SLC45A2: variants seen among roughly 807,000 people sequenced by gnomAD.
The protein encoded by SLC45A2 is membrane-associated transporter protein.
SLC45A2 carries 36 observed loss-of-function variants against 45.5 expected under a neutral mutation model. The observed-to-expected ratio is 0.79, with a 90% CI of 0.61 to 1.04. The LOEUF (loss-of-function observed/expected upper bound fraction) is 1.04, where lower values mean the gene tolerates loss of function less well. SLC45A2 is among the 50% of genes least tolerant of loss of function. The pLI is 0.00. For synonymous variants in SLC45A2, 306 were observed against 269.3 expected (o/e 1.14, Z -1.33); for missense variants, 719 against 671.0 (o/e 1.07, Z -0.79).
chr5:33,977,312 A>G (rs1415511253), intron 2 of SLC45A2, among the ~76,000 whole-genome samples: 1 of 152,170 alleles, frequency 6.6e-6, no homozygotes, highest in East Asian at 1.9e-4. Context: ...ACAGACCATA[A>G]AGGCCCCAGG....
At chr5:33,971,672 G>T (rs2111985686) in intron 2 of SLC45A2, among the ~76,000 whole-genome samples, 1 of 152,172 alleles carries the variant, frequency 6.6e-6, no homozygotes, top group East Asian at 1.9e-4. Flanking sequence ...TGTTGCCCAG[G>T]ATGGAGTGCA....
chr5:33,960,276 GAC>G (rs926785181), intron 3 of SLC45A2, among the ~76,000 whole-genome samples: 1 of 16,396 alleles, frequency 6.1e-5, no homozygotes, highest in African/African-American at 1.3e-4. Flanking sequence ...ACATTCATCT[GAC>G]ATATATATAT....
At chr5:33,964,096 T>C in intron 2 of SLC45A2, 80 bp from the exon 3 acceptor site, 6 of 1,450,722 alleles carry the variant, frequency 4.1e-6, no homozygotes, top group Non-Finnish European at 4.8e-6. Flanking sequence ...TCCCCTTCAG[T>C]GGGAAAACTC....
At chr5:33,977,139 A>C (rs1752952638) in intron 2 of SLC45A2, among the ~76,000 whole-genome samples, 1 of 152,258 alleles carries the variant, frequency 6.6e-6, no homozygotes, top group Admixed American at 6.5e-5. Context: ...AAGAAAGGCC[A>C]CATGAGGACA....
At chr5:33,944,989 A>T in intron 6 of SLC45A2, 117 bp from the exon 7 acceptor site, 2 of 944,520 alleles carry the variant, frequency 2.1e-6, no homozygotes, top group Non-Finnish European at 1.7e-6. Context: ...TTCGTGGATT[A>T]TACAGCCCTG....
intron 2 of SLC45A2, among the ~76,000 whole-genome samples, chr5:33,976,403 T>C (rs1431948830): frequency 6.6e-6 from 1 of 152,230 alleles, no homozygotes; most frequent in African/African-American, 2.4e-5. Flanking sequence ...ATTAGAAATG[T>C]ATTCAAATAA....
chr5:33,982,371 T>G lies in SLC45A2; in HGVS notation c.427A>C (p.Ser143Arg). ...NPRRKLVWAI[S>R]VTMIGVVLFD... Reference sequence around the variant, plus strand: ...AGAACGACACCTATCATGGTGACACTTATGGCCCAAACCAGCTTCCTCCTT... The same window carrying G: ...AGAACGACACCTATCATGGTGACACGTATGGCCCAAACCAGCTTCCTCCTT... Residue 143 changes from serine (S) to arginine (R), a missense_variant, in exon 2 of 7, where the codon AGT becomes CGT. Coordinates refer to ENST00000296589, the MANE Select transcript of SLC45A2 (RefSeq NM_016180.5). 6.2e-7 allele frequency: 1 copy of G among 1,614,164 alleles called. No individual in the cohort carries two copies. The highest frequency in any genetic ancestry group is 8.5e-7 in the Non-Finnish European group (1 of 1,180,018).
chr5:33,945,857 G>GA (rs1751906383), intron 6 of SLC45A2: 1 of 710,714 alleles, frequency 1.4e-6, no homozygotes, highest in South Asian at 6.4e-5. Flanking sequence ...AGGAAAATAA[G>GA]AAAACAGATT....
Position 33,967,852 on chromosome 5 carries a change from A to C in SLC45A2, c.563-3836T>G, listed in dbSNP as rs139621453. Among the ~76,000 whole-genome samples the C allele has an allele frequency of 3.0e-4, 46 of 151,362 alleles. No individual in the cohort carries two copies. In the East Asian group the frequency reaches 8.0e-3, roughly 26 times the overall value. On this transcript the variant is annotated intron_variant, in intron 2 of 6. Coordinates refer to ENST00000296589, the MANE Select transcript of SLC45A2 (RefSeq NM_016180.5). ...CACATTTCCTGCAAGAACCTGGGGGAAACTCTTCTTATATCTTCCCCATTG... is the reference window on the plus strand; with the variant it reads ...CACATTTCCTGCAAGAACCTGGGGGCAACTCTTCTTATATCTTCCCCATTG...
chr5:33,959,652 C>T (rs1353619713), intron 3 of SLC45A2, among the ~76,000 whole-genome samples: 2 of 152,172 alleles, frequency 1.3e-5, no homozygotes, highest in African/African-American at 4.8e-5. Flanking sequence ...TTACTCTCTT[C>T]AACTGTATTC....
At chr5:33,971,026 G>C in intron 2 of SLC45A2, 1 of 498,984 alleles carries the variant, frequency 2.0e-6, no homozygotes, top group Non-Finnish European at 4.1e-6. Flanking sequence ...GTGTTGGGCA[G>C]ATTGTGAGTA....
At chr5:33,968,747 A>C (rs1752681146) in intron 2 of SLC45A2, among the ~76,000 whole-genome samples, 1 of 152,214 alleles carries the variant, frequency 6.6e-6, no homozygotes, top group Non-Finnish European at 1.5e-5. Flanking sequence ...CAAACTCTGC[A>C]CCTACCATCT....
chr5:33,951,260 A>G, intron 5 of SLC45A2: 1 of 605,750 alleles, frequency 1.7e-6, no homozygotes, highest in Non-Finnish European at 2.6e-6. Context: ...GCTGGGACTC[A>G]TCCATCCAAC....
intron 2 of SLC45A2, among the ~76,000 whole-genome samples, chr5:33,974,456 A>C (rs1018737018): frequency 2.0e-5 from 3 of 151,998 alleles, no homozygotes; most frequent in African/African-American, 2.4e-5. Flanking sequence ...GTGAAACAAA[A>C]AAAAAAAAAG....
intron 2 of SLC45A2, chr5:33,971,423 G>C: frequency 2.2e-6 from 1 of 445,002 alleles, no homozygotes; most frequent in South Asian, 1.8e-5. Context: ...TGGCCAGCTG[G>C]ACTGCAACTT....
At chr5:33,982,513 CT>C in intron 1 of SLC45A2, 101 bp from the exon 2 acceptor site, 2 of 1,218,576 alleles carry the variant, frequency 1.6e-6, no homozygotes, top group South Asian at 1.4e-5. Flanking sequence ...ATCTTCCTTG[CT>C]TTTATTTTGC....
chr5:33,950,220 A>C lies in SLC45A2; in HGVS notation c.1156+1334T>G, dbSNP rs142301013. 2.3e-3 allele frequency among the ~76,000 whole-genome samples: 347 copies of C among 152,144 alleles called. 2 individuals carry two copies. Among genetic ancestry groups the C allele is most frequent in the African/African-American group, 8.2e-3 (339 of 41,512 alleles). On this transcript the variant is annotated intron_variant, in intron 5 of 6. Coordinates refer to ENST00000296589, the MANE Select transcript of SLC45A2 (RefSeq NM_016180.5). ...AAGAAGAAAAACAAAAAAAAGCATG[A>C]GGGTAGTGGTAAATAGTCCCCTCAG...
At chr5:33,976,210 G>C (rs892563699) in intron 2 of SLC45A2, among the ~76,000 whole-genome samples, 1 of 152,158 alleles carries the variant, frequency 6.6e-6, no homozygotes, top group Non-Finnish European at 1.5e-5. Context: ...CCGAGAACAC[G>C]GGGAAGGGCT....
At position 33,984,491 on chromosome 5, in the gene SLC45A2, G is replaced by C; in HGVS notation, c.93C>G (p.Pro31=). Residue 31 remains proline (P), a synonymous_variant, in exon 1 of 7, where the codon CCC becomes CCG. Transcript: ENST00000296589. ...TGCTGTGCATGATGAGTCTGCTGGT[G>C]GGTCTTTTAGGCGGCTCCACAGAGT... ...PFDSVEPPKR[P]TSRLIMHSMA... is the part of the protein sequence containing the mutation. The C allele has an allele frequency of 1.2e-6, 2 of 1,613,420 alleles. No homozygotes were observed. The highest frequency in any genetic ancestry group is 1.1e-5 in the South Asian group (1 of 91,076).
Sources: allele counts gnomAD v4.1 joint callset (sites outside exome capture counted in the v4.1 genomes callset), GRCh38; gene constraint gnomAD v4.1.1; transcripts MANE v1.5; gene names NCBI Gene and HGNC (gene_info 2026-07-23, HGNC 2026-07-21).